PPM1B: variants seen among roughly 807,000 people sequenced by gnomAD.
PPM1B encodes protein phosphatase, Mg2+/Mn2+ dependent 1B.
A neutral mutation model predicts 43.0 loss-of-function variants in PPM1B; 22 were observed. The ratio of observed to expected loss-of-function variants is 0.51; its 90% CI spans 0.37 to 0.73. PPM1B has a LOEUF of 0.73. Among genes scored for constraint, PPM1B ranks in the 30% least tolerant of loss-of-function variants. The pLI is 0.00. For missense variants in PPM1B, 632 were observed against 584.2 expected (o/e 1.08, Z -0.84); for synonymous variants, 217 against 197.9 (o/e 1.10, Z -0.81).
At chr2:44,175,346 T>C (rs571307525) in intron 1 of PPM1B, among the ~76,000 whole-genome samples, 43 of 152,286 alleles carry the variant, frequency 2.8e-4, no homozygotes, top group African/African-American at 1.0e-3. Flanking sequence ...TTTGGGAGGC[T>C]TTCTGCTTTT....
At chr2:44,185,042 A>G (rs1668055258) in intron 1 of PPM1B, among the ~76,000 whole-genome samples, 1 of 150,890 alleles carries the variant, frequency 6.6e-6, no homozygotes, top group African/African-American at 2.4e-5. Flanking sequence ...TTTGATAATG[A>G]CTTTAATATT....
intron 5 of PPM1B, among the ~76,000 whole-genome samples, chr2:44,223,531 C>A (rs535157005): frequency 1.3e-5 from 2 of 151,872 alleles, no homozygotes; most frequent in Non-Finnish European, 2.9e-5. Context: ...AAATGCAGGC[C>A]GGGCGCGGTG....
At chr2:44,245,481 AC>A (rs1338455198), downstream of PPM1B, among the ~76,000 whole-genome samples, 1 of 152,196 alleles carries the variant, frequency 6.6e-6, no homozygotes, top group African/African-American at 2.4e-5. Context: ...AGCTCCTGGA[AC>A]CCACAAAAAA....
intron 5 of PPM1B, among the ~76,000 whole-genome samples, chr2:44,240,876 A>G (rs1670729583): frequency 6.8e-6 from 1 of 146,238 alleles, no homozygotes; most frequent in Admixed American, 6.8e-5. Context: ...GTCTCTTAAT[A>G]CTTTGAAAAC....
chr2:44,183,864 G>C (rs1667999642), intron 1 of PPM1B, among the ~76,000 whole-genome samples: 1 of 152,166 alleles, frequency 6.6e-6, no homozygotes, highest in African/African-American at 2.4e-5. Flanking sequence ...TCAGCCTCCA[G>C]AGTAGCTGGG....
At chr2:44,214,470 G>A (rs997158199) in intron 3 of PPM1B, among the ~76,000 whole-genome samples, 6 of 151,682 alleles carry the variant, frequency 4.0e-5, no homozygotes, top group African/African-American at 1.2e-4. Context: ...GGGTGGGGGG[G>A]GCATGGCAGT....
chr2:44,185,207 T>C (rs972345676), intron 1 of PPM1B, among the ~76,000 whole-genome samples: 1 of 152,174 alleles, frequency 6.6e-6, no homozygotes, highest in Non-Finnish European at 1.5e-5. Context: ...GAGATTCATC[T>C]AAGTTCCTGC....
chr2:44,232,715 C>T (rs995631232), downstream of PPM1B: 10 of 1,023,076 alleles, frequency 9.8e-6, no homozygotes, highest in African/African-American at 1.5e-4. Context: ...TTAAACAAAA[C>T]ACACAACATG....
At chr2:44,243,100 T>TA (rs1264181825) in intron 5 of PPM1B, among the ~76,000 whole-genome samples, 1 of 152,190 alleles carries the variant, frequency 6.6e-6, no homozygotes, top group Non-Finnish European at 1.5e-5. Flanking sequence ...AGCTTTTTCT[T>TA]ACACAATAAC....
chr2:44,175,877 C>A (rs1399790051), intron 1 of PPM1B, among the ~76,000 whole-genome samples: 2 of 151,672 alleles, frequency 1.3e-5, no homozygotes, highest in African/African-American at 2.4e-5. Flanking sequence ...CCTCCGCCTC[C>A]CAGGTTCAGA....
chr2:44,182,208 G>A (rs1667907970), intron 1 of PPM1B, among the ~76,000 whole-genome samples: 2 of 151,960 alleles, frequency 1.3e-5, no homozygotes, highest in African/African-American at 4.8e-5. Flanking sequence ...CTCTATGGAC[G>A]ATACTCCAGA....
chr2:44,177,401 T>C (rs1195971346), intron 1 of PPM1B, among the ~76,000 whole-genome samples: 1 of 150,104 alleles, frequency 6.7e-6, no homozygotes, highest in African/African-American at 2.5e-5. Flanking sequence ...GGAATTGCAA[T>C]GTGAAAGTGA....
chr2:44,184,307 C>A (rs1450170527), intron 1 of PPM1B, among the ~76,000 whole-genome samples: 1 of 152,178 alleles, frequency 6.6e-6, no homozygotes, highest in Non-Finnish European at 1.5e-5. Flanking sequence ...ACTTCCTCCT[C>A]TGTAAGCACA....
rs1031380606 is a variant in PPM1B, at chr2:44,240,907, G to A, written n.1547-3321G>A. ...AAAACATGATGCTGAGAGAAAGCAAGTTATAAGGGGATGTCTTGTATGTAA... is the reference window on the plus strand; with the variant it reads ...AAAACATGATGCTGAGAGAAAGCAAATTATAAGGGGATGTCTTGTATGTAA... On this transcript the variant is annotated intron_variant and non_coding_transcript_variant, in intron 5 of 5. Coordinates refer to the PPM1B transcript ENST00000378540. Among the ~76,000 whole-genome samples, 53 of 146,192 alleles carry A rather than the reference G, an allele frequency of 3.6e-4. 2 individuals carry two copies. Among genetic ancestry groups the A allele is most frequent in the African/African-American group, 1.3e-3 (52 of 40,928 alleles).
rs1200406098 is a variant in PPM1B, at chr2:44,178,600, C to G, written c.-15+9326C>G. Among the ~76,000 whole-genome samples, 6 of 152,038 alleles carry G rather than the reference C, an allele frequency of 3.9e-5. No individual in the cohort carries two copies. In the East Asian group the frequency reaches 1.2e-3, roughly 29 times the overall value. ...CTCCTGTTTCAGCCTCCTGAAGTAG[C>G]TGGGATTACAGGCACCTGCCACCAC... On this transcript the variant is annotated intron_variant, in intron 1 of 5. Coordinates refer to ENST00000282412, the MANE Select transcript of PPM1B (RefSeq NM_002706.6).
At chr2:44,237,071 A>C (rs956689676), downstream of PPM1B, among the ~76,000 whole-genome samples, 70 of 152,256 alleles carry the variant, frequency 4.6e-4, no homozygotes, top group African/African-American at 1.6e-3. Flanking sequence ...ATTTCAAAGC[A>C]ATTCTGAAGT....
intron 1 of PPM1B, among the ~76,000 whole-genome samples, chr2:44,182,143 G>C (rs1409459388): frequency 6.6e-6 from 1 of 152,152 alleles, no homozygotes; most frequent in East Asian, 1.9e-4. Flanking sequence ...GTTTGGTCAG[G>C]AATATTGGTG....
chr2:44,216,140 T>C (rs1373786444), intron 3 of PPM1B, among the ~76,000 whole-genome samples: 1 of 152,208 alleles, frequency 6.6e-6, no homozygotes, highest in Non-Finnish European at 1.5e-5. Context: ...TCTTAGTTGC[T>C]GTATGGAGAA....
At chr2:44,169,989 G>C (rs1234595439) in intron 1 of PPM1B, among the ~76,000 whole-genome samples, 1 of 152,158 alleles carries the variant, frequency 6.6e-6, no homozygotes, top group African/African-American at 2.4e-5. Context: ...GTTTTTCATA[G>C]TTTAAGCCTA....
Sources: allele counts gnomAD v4.1 joint callset (sites outside exome capture counted in the v4.1 genomes callset), GRCh38; gene constraint gnomAD v4.1.1; transcripts MANE v1.5; gene names NCBI Gene and HGNC (gene_info 2026-07-23, HGNC 2026-07-21).